The following XCR1 variants were observed in gnomAD, a reference collection of about 807,000 sequenced individuals.
The protein encoded by XCR1 is chemokine XC receptor 1.
For synonymous variants in XCR1, 187 were observed against 188.5 expected (o/e 0.99, Z 0.06); for missense variants, 356 against 424.2 (o/e 0.84, Z 1.41).
At chr3:46,069,354 C>A (rs917594576) in intron 3 of XCR1, among the ~76,000 whole-genome samples, 2 of 151,978 alleles carry the variant, frequency 1.3e-5, no homozygotes. Flanking sequence ...GAAAGACCCA[C>A]CAAATAAAAA....
At chr3:46,050,942 G>A (rs911542389) in intron 5 of XCR1, among the ~76,000 whole-genome samples, 2 of 152,084 alleles carry the variant, frequency 1.3e-5, no homozygotes, top group Non-Finnish European at 2.9e-5. Flanking sequence ...AACAAATACC[G>A]GTGAATTCCA....
chr3:46,039,336 G>A (rs1327586892), intron 5 of XCR1, among the ~76,000 whole-genome samples: 1 of 152,190 alleles, frequency 6.6e-6, no homozygotes, highest in African/African-American at 2.4e-5. Context: ...ACTTTGATAA[G>A]TTTGGCATAG....
intron 3 of XCR1, among the ~76,000 whole-genome samples, chr3:46,072,914 A>G (rs997440173): frequency 2.6e-5 from 4 of 152,252 alleles, no homozygotes; most frequent in African/African-American, 9.6e-5. Context: ...TACTAGTATA[A>G]AGGTAGACAT....
intron 5 of XCR1, among the ~76,000 whole-genome samples, chr3:46,040,727 C>T (rs891990504): frequency 1.3e-5 from 2 of 152,064 alleles, no homozygotes; most frequent in East Asian, 3.8e-4. Context: ...TGCCTTGATG[C>T]TCCTCAAAAA....
At chr3:46,049,393 C>A (rs1430442816) in intron 5 of XCR1, among the ~76,000 whole-genome samples, 1 of 152,160 alleles carries the variant, frequency 6.6e-6, no homozygotes, top group African/African-American at 2.4e-5. Context: ...AGTTTGTCTG[C>A]TTTCTCATTA....
At chr3:46,056,535 G>A (rs572130328) in intron 4 of XCR1, among the ~76,000 whole-genome samples, 10 of 152,184 alleles carry the variant, frequency 6.6e-5, no homozygotes, top group African/African-American at 1.9e-4. Context: ...GTGCAGTGGT[G>A]CAATCACAGC....
At chr3:46,038,684 T>A (rs13068410) in intron 5 of XCR1, among the ~76,000 whole-genome samples, 33,684 of 151,988 alleles carry the variant, frequency 0.22, 5,122 homozygotes, top group African/African-American at 0.42. Context: ...TTGAGAACTA[T>A]GAGAGATTTA....
At position 46,021,826 on chromosome 3, in the gene XCR1, A is replaced by G. The variant is rs774913791; in HGVS notation, c.122T>C (p.Val41Ala). The G allele has an allele frequency of 6.2e-7, 1 of 1,614,074 alleles. No individual in the cohort carries two copies. Among genetic ancestry groups the G allele is most frequent in the Non-Finnish European group, 8.5e-7 (1 of 1,180,020 alleles). Residue 41 changes from valine to alanine, a missense_variant, in exon 2 of 2, where the codon GTG (valine) becomes GCG (alanine). Val to Ala is a moderately conservative substitution (Grantham distance 64). Transcript: ENST00000309285. The surrounding 1 kb of genome is among the most constrained non-coding windows in gnomAD (Gnocchi z 4.7). ...GTTGCCCACTAGGCTGAGGAGAAAC[A>G]CCAGGCAGTATAGGACAGTGGTGGC... The part of the protein sequence containing the change: ...TLATTVLYCL[V>A]FLLSLVGNSL...
intron 5 of XCR1, among the ~76,000 whole-genome samples, chr3:46,040,939 A>G (rs1697528157): frequency 6.6e-6 from 1 of 152,210 alleles, no homozygotes; most frequent in Non-Finnish European, 1.5e-5. Flanking sequence ...GGATCAAACT[A>G]ATGGAGGACT....
In XCR1 at chr3:46,017,362, C is replaced by T. The variant is rs1708062169; in HGVS notation, c.*3584G>A. On this transcript the variant is annotated 3_prime_UTR_variant, in exon 2 of 2. Coordinates refer to ENST00000309285, the MANE Select transcript of XCR1 (RefSeq NM_001024644.2). Reference sequence around the variant, plus strand: ...TCACAGGCATTTGCATAAATGAAACCTGTGAAAAGTTCAACAAAGCTTAAT... The same window carrying T: ...TCACAGGCATTTGCATAAATGAAACTTGTGAAAAGTTCAACAAAGCTTAAT... 1 of 152,172 alleles carries T rather than the reference C, an allele frequency of 6.6e-6. No homozygotes were observed. Among genetic ancestry groups the T allele is most frequent in the Non-Finnish European group, 1.5e-5 (1 of 68,032 alleles). The allele number at this position is 152,172 out of a possible 1,614,324, so 9.4% of individuals were successfully genotyped here.
At chr3:46,081,705 T>TA (rs1698367702) in intron 1 of XCR1, among the ~76,000 whole-genome samples, 1 of 143,548 alleles carries the variant, frequency 7.0e-6, no homozygotes, top group Admixed American at 6.6e-5. Flanking sequence ...TTTTTTTTTT[T>TA]TAAAAATCTT....
intron 3 of XCR1, among the ~76,000 whole-genome samples, chr3:46,068,769 C>A (rs80115602): frequency 0.054 from 7,615 of 142,196 alleles, 246 homozygotes; most frequent in African/African-American, 0.11. Context: ...CTGCGGGTGT[C>A]AACATCATGG....
At chr3:46,039,472 C>A (rs1697497503) in intron 5 of XCR1, among the ~76,000 whole-genome samples, 1 of 152,180 alleles carries the variant, frequency 6.6e-6, no homozygotes, top group African/African-American at 2.4e-5. Context: ...GCAGTCACTC[C>A]TAGACACCAA....
chr3:46,030,369 T>C (rs1458604008), upstream of XCR1, among the ~76,000 whole-genome samples: 2 of 152,236 alleles, frequency 1.3e-5, no homozygotes, highest in Admixed American at 1.3e-4. Flanking sequence ...GTTTTTATCA[T>C]GAAATGATGT....
chr3:46,019,561 G>A lies in XCR1; in HGVS notation c.*1385C>T, dbSNP rs953244380. The A allele has an allele frequency of 2.6e-5, 4 of 152,192 alleles. No homozygotes were observed. Among genetic ancestry groups the A allele is most frequent in the Admixed American group, 1.3e-4 (2 of 15,284 alleles). The allele number at this position is 152,192 out of a possible 1,614,324, so 9.4% of individuals were successfully genotyped here. On this transcript the variant is annotated 3_prime_UTR_variant, in exon 2 of 2. Coordinates refer to ENST00000309285, the MANE Select transcript of XCR1 (RefSeq NM_001024644.2). The stretch of plus-strand genomic sequence containing the variant: ...GCCTGTCAGCTAGAACATGTTCCAG[G>A]CCCAGGTGACAGCATGACAAATGCC...
intron 1 of XCR1, among the ~76,000 whole-genome samples, chr3:46,080,453 T>G (rs186433512): frequency 2.3e-4 from 35 of 152,256 alleles, no homozygotes; most frequent in Admixed American, 9.2e-4. Context: ...TCCCAGCTAC[T>G]TGGGAGGCTG....
chr3:46,071,665 C>A (rs1289479801), intron 3 of XCR1, among the ~76,000 whole-genome samples: 1 of 152,088 alleles, frequency 6.6e-6, no homozygotes, highest in African/African-American at 2.4e-5. Flanking sequence ...ATATGCAAAT[C>A]AATACATGTG....
In XCR1 at chr3:46,021,821, G is replaced by A. The variant is rs1168271406; in HGVS notation, c.127C>T (p.Leu43Phe). ...AGGCTGTTGCCCACTAGGCTGAGGA[G>A]AAACACCAGGCAGTATAGGACAGTG... is the stretch of plus-strand genomic sequence containing the variant. Reference protein sequence around the residue: ...ATTVLYCLVFLLSLVGNSLVL... With the variant: ...ATTVLYCLVFFLSLVGNSLVL... Residue 43 changes from leucine (L) to phenylalanine (F), a missense_variant, in exon 2 of 2, where the codon CTC (leucine) becomes TTC (phenylalanine). Physicochemically the swap from Leu to Phe is conservative, Grantham distance 22. Coordinates refer to ENST00000309285, the MANE Select transcript of XCR1 (RefSeq NM_001024644.2). The surrounding 1 kb of genome is among the most constrained non-coding windows in gnomAD (Gnocchi z 4.7). 6.2e-7 allele frequency: 1 copy of A among 1,614,010 alleles called. No individual in the cohort carries two copies. Among genetic ancestry groups the A allele is most frequent in the Admixed American group, 1.7e-5 (1 of 60,004 alleles).
rs922608630 is a variant in XCR1, at chr3:46,021,324, G to A, written c.624C>T (p.Ile208=). 5 of 1,614,204 alleles carry A rather than the reference G, an allele frequency of 3.1e-6. No homozygotes were observed. Among genetic ancestry groups the A allele is most frequent in the Admixed American group, 3.3e-5 (2 of 60,024 alleles). Residue 208 remains isoleucine (I), a synonymous_variant, in exon 2 of 2, where the codon ATC becomes ATT. Transcript: ENST00000309285. This position sits in a 1 kb window ranked among gnomAD's most constrained non-coding sequence, Gnocchi z 4.7. The stretch of plus-strand genomic sequence containing the variant: ...AGCGTGAGCGGAACAGGGTCCTGAG[G>A]ATCTCCACGTAGCAGAACAGGATAA... ...LGIILFCYVE[I]LRTLFRSRSK... is the part of the protein sequence containing the mutation.
Sources: gnomAD v4.1 joint callset for allele counts (sites outside exome capture counted in the v4.1 genomes callset) on GRCh38, gnomAD v4.1.1 for gene constraint, Gnocchi (gnomAD v3.1) non-coding constraint, MANE v1.5 for transcripts, NCBI Gene and HGNC (gene_info 2026-07-23, HGNC 2026-07-21) for gene names.